The following FLRT1 variants were observed in gnomAD, a reference collection of about 807,000 sequenced individuals.
FLRT1 encodes the protein leucine-rich repeat transmembrane protein FLRT1.
A neutral mutation model predicts 30.9 loss-of-function variants in FLRT1; 14 were observed. That is an observed-to-expected ratio of 0.45 (90% CI 0.30 to 0.71). The LOEUF is 0.71. FLRT1 is among the 30% of genes least tolerant of loss of function. The pLI is 0.08. For synonymous variants in FLRT1, 368 were observed against 430.4 expected (o/e 0.85, Z 1.80); for missense variants, 737 against 949.2 (o/e 0.78, Z 2.94).
chr11:64,088,875 C>G (rs1018392146), intron 1 of FLRT1, among the ~76,000 whole-genome samples: 1 of 151,996 alleles, frequency 6.6e-6, no homozygotes, highest in Admixed American at 6.6e-5. Flanking sequence ...CAGGCGGAAT[C>G]GGGTGTATTG....
At chr11:64,104,919 C>T (rs1016668610) in intron 2 of FLRT1, among the ~76,000 whole-genome samples, 1 of 152,176 alleles carries the variant, frequency 6.6e-6, no homozygotes, top group Non-Finnish European at 1.5e-5. Context: ...AAACACAAAT[C>T]CCAGCAACCT....
chr11:64,070,274 C>T (rs947287415), intron 1 of FLRT1, among the ~76,000 whole-genome samples: 2 of 152,130 alleles, frequency 1.3e-5, no homozygotes, highest in African/African-American at 4.8e-5. Flanking sequence ...GCTGCCAGTC[C>T]TCAGCCCAGC....
At chr11:64,116,034 C>T (rs984478031) in intron 2 of FLRT1, among the ~76,000 whole-genome samples, 185 bp from the exon 3 acceptor site, 3 of 152,208 alleles carry the variant, frequency 2.0e-5, no homozygotes, top group East Asian at 1.9e-4. Flanking sequence ...CCGACCTCGG[C>T]GGGAGCAATC....
intron 1 of FLRT1, among the ~76,000 whole-genome samples, chr11:64,059,294 G>C (rs866309696): frequency 4.6e-5 from 7 of 152,164 alleles, no homozygotes; most frequent in Non-Finnish European, 8.8e-5. Flanking sequence ...AGGGTCTTGC[G>C]GGTCCTGGCT....
rs1944468299 is a variant in FLRT1, at chr11:64,090,416, T to C, written c.-1037-12778T>C. On this transcript the variant is annotated intron_variant, in intron 1 of 2. Coordinates refer to ENST00000682287, the MANE Select transcript of FLRT1 (RefSeq NM_013280.5). The surrounding 1 kb of genome is among the most constrained non-coding windows in gnomAD (Gnocchi z 4.7). ...GAGCCTGGTGCTTTATTTCCTCAAC[T>C]CACCTCCAGCCCGGGCAGCAGTGGG... is the stretch of plus-strand genomic sequence containing the variant. Among the ~76,000 whole-genome samples, 2 of 152,110 alleles carry C rather than the reference T, an allele frequency of 1.3e-5. No homozygotes were observed. The highest frequency in any genetic ancestry group is 6.5e-5 in the Admixed American group (1 of 15,280).
intron 1 of FLRT1, among the ~76,000 whole-genome samples, chr11:64,094,950 C>T (rs1447616951): frequency 6.6e-6 from 1 of 152,204 alleles, no homozygotes; most frequent in Non-Finnish European, 1.5e-5. Flanking sequence ...GCCCCGTGTG[C>T]TCCAGGAGTG....
intron 1 of FLRT1, among the ~76,000 whole-genome samples, chr11:64,039,018 A>C (rs1943434959): frequency 6.6e-6 from 1 of 152,100 alleles, no homozygotes; most frequent in Admixed American, 6.5e-5. Context: ...CCCCTCGTTC[A>C]CTGTGGGCCA....
chr11:64,060,904 T>C (rs1378901712), intron 1 of FLRT1, among the ~76,000 whole-genome samples: 1 of 151,912 alleles, frequency 6.6e-6, no homozygotes, highest in African/African-American at 2.4e-5. Context: ...CCGAGGCTCT[T>C]TGCATATTCA....
intron 2 of FLRT1, among the ~76,000 whole-genome samples, chr11:64,114,273 T>TGGAA (rs1221796681): frequency 1.3e-5 from 2 of 149,368 alleles, no homozygotes; most frequent in Non-Finnish European, 3.0e-5. Flanking sequence ...GATGGATGGA[T>TGGAA]GGATGGATGG....
rs2845593 is a variant in FLRT1, at chr11:64,096,887, C to T, written c.-1037-6307C>T. Among the ~76,000 whole-genome samples, 39,622 of 152,228 alleles carry T rather than the reference C, an allele frequency of 0.26. 5,694 individuals carry two copies. The highest frequency in any genetic ancestry group is 0.35 in the Admixed American group (5,324 of 15,302). On this transcript the variant is annotated intron_variant, in intron 1 of 2. Transcript: ENST00000682287. The surrounding 1 kb of genome is among the most constrained non-coding windows in gnomAD (Gnocchi z 4.6). Reference sequence around the variant, plus strand: ...GGCCTCCCCCGGCAGAGCTGAGAGCCGATGCCTGTCCCTCCGTGAGCTGGG... The same window carrying T: ...GGCCTCCCCCGGCAGAGCTGAGAGCTGATGCCTGTCCCTCCGTGAGCTGGG...
intron 1 of FLRT1, among the ~76,000 whole-genome samples, chr11:64,091,707 G>A (rs553259750): frequency 6.6e-6 from 1 of 152,256 alleles, no homozygotes; most frequent in Admixed American, 6.5e-5. Context: ...TGCACGAGGG[G>A]CCCCAACTCC....
At chr11:64,061,844 G>A (rs563963208) in intron 1 of FLRT1, among the ~76,000 whole-genome samples, 5 of 150,538 alleles carry the variant, frequency 3.3e-5, no homozygotes, top group East Asian at 1.9e-4. Context: ...CCCAAGTAGC[G>A]GGACCACAGG....
intron 1 of FLRT1, among the ~76,000 whole-genome samples, chr11:64,042,306 G>A (rs911536840): frequency 6.6e-6 from 1 of 151,998 alleles, no homozygotes; most frequent in Non-Finnish European, 1.5e-5. Flanking sequence ...GCTGCCACGA[G>A]GAAGGGGCTG....
At position 64,117,301 on chromosome 11, in the gene FLRT1, C is replaced by A; in HGVS notation, c.1034C>A (p.Ala345Glu). Residue 345 changes from alanine (A) to glutamate (E), a missense_variant, in exon 3 of 3, where the codon GCA (alanine) becomes GAA (glutamate). Coordinates refer to ENST00000682287, the MANE Select transcript of FLRT1 (RefSeq NM_013280.5). ...ATGTGGCTGCGGGACTGGGTGAAGG[C>A]ACGGGCGGCCGTGGTCAACGTGCGG... ...NLMWLRDWVK[A>E]RAAVVNVRGL... The A allele has an allele frequency of 6.2e-7, 1 of 1,614,158 alleles. No homozygotes were observed. Among genetic ancestry groups the A allele is most frequent in the Non-Finnish European group, 8.5e-7 (1 of 1,180,012 alleles).
chr11:64,094,836 A>G (rs1944549509), intron 1 of FLRT1, among the ~76,000 whole-genome samples: 1 of 152,206 alleles, frequency 6.6e-6, no homozygotes, highest in African/African-American at 2.4e-5. Context: ...AGGCTGAAGC[A>G]CTTCCCAGAG....
chr11:64,043,930 C>G (rs1453320266), intron 1 of FLRT1, among the ~76,000 whole-genome samples: 1 of 151,934 alleles, frequency 6.6e-6, no homozygotes, highest in Non-Finnish European at 1.5e-5. Context: ...TCTCCTGCCT[C>G]AGCCTCCCAA....
chr11:64,113,933 T>C (rs1716016148), intron 2 of FLRT1, among the ~76,000 whole-genome samples: 1 of 146,740 alleles, frequency 6.8e-6, no homozygotes, highest in Non-Finnish European at 1.5e-5. Context: ...CATGGATTGA[T>C]GCACGGATGG....
intron 2 of FLRT1, among the ~76,000 whole-genome samples, chr11:64,111,472 C>G (rs1944861395): frequency 1.3e-5 from 2 of 152,224 alleles, no homozygotes; most frequent in African/African-American, 4.8e-5. Flanking sequence ...GAGGCAGGAC[C>G]TCCGGCTCCA....
chr11:64,049,318 GA>G (rs1472252227), intron 1 of FLRT1, among the ~76,000 whole-genome samples: 1 of 152,214 alleles, frequency 6.6e-6, no homozygotes, highest in African/African-American at 2.4e-5. Flanking sequence ...CTTGGGGATT[GA>G]ACAGGGTCCT....
Sources: allele counts gnomAD v4.1 joint callset (sites outside exome capture counted in the v4.1 genomes callset), GRCh38; gene constraint gnomAD v4.1.1; non-coding constraint Gnocchi (gnomAD v3.1); transcripts MANE v1.5; gene names NCBI Gene and HGNC (gene_info 2026-07-23, HGNC 2026-07-21).